The following ARHGEF12 variants were observed in gnomAD, a reference collection of about 807,000 sequenced individuals.
The protein encoded by ARHGEF12 is Rho guanine nucleotide exchange factor 12.
Under a neutral mutation model 211.2 loss-of-function variants are expected in ARHGEF12, and 66 were observed. That is an observed-to-expected ratio of 0.31 (90% CI 0.26 to 0.38). ARHGEF12 has a LOEUF of 0.38. Ranked by LOEUF, ARHGEF12 falls within the 10% of genes least tolerant of loss-of-function variation. The pLI is 1.00. For missense variants in ARHGEF12, 1,429 were observed against 1,869.5 expected (o/e 0.76, Z 4.34); for synonymous variants, 592 against 638.4 (o/e 0.93, Z 1.09).
intron 27 of ARHGEF12, chr11:120,463,848 G>C (rs963055136): frequency 2.6e-5 from 4 of 152,120 alleles, no homozygotes; most frequent in African/African-American, 9.7e-5. Flanking sequence ...TGGGAATATG[G>C]CTTTAAATGG....
rs1946135350 is a variant in ARHGEF12, at chr11:120,449,299, G to T, written c.1843+85G>T. On this transcript the variant is annotated intron_variant, in intron 21 of 40. Transcript: ENST00000397843. ...CTTCTTCAGCTAGAATGAATTTCTG[G>T]AGAAAGGAGTTGTTAGGATGATTTT... 7 of 1,103,314 alleles carry T rather than the reference G, an allele frequency of 6.3e-6. No individual in the cohort carries two copies. In the South Asian group the frequency reaches 1.0e-4, roughly 16 times the overall value. The allele number at this position is 1,103,314 out of a possible 1,614,324, so 68.3% of individuals were successfully genotyped here.
At chr11:120,353,091 A>G (rs1943032516) in intron 1 of ARHGEF12, among the ~76,000 whole-genome samples, 1 of 152,218 alleles carries the variant, frequency 6.6e-6, no homozygotes, top group Non-Finnish European at 1.5e-5. Flanking sequence ...TCATGATTTC[A>G]GGTTGAACCA....
rs1256638780 is a variant in ARHGEF12 at position 120,485,151 on chromosome 11, C to A, written c.*74C>A. 4.4e-6 allele frequency: 7 copies of A among 1,577,982 alleles called. No homozygotes were observed. Among genetic ancestry groups the A allele is most frequent in the African/African-American group, 2.7e-5 (2 of 74,392 alleles). On this transcript the variant is annotated 3_prime_UTR_variant, in exon 41 of 41. Transcript: ENST00000397843. ...GCCGTGTCTCACCACATCCTGGCTC[C>A]AGTGTGGATGCAGAGAGAGTGTGAC...
chr11:120,433,830 C>T (rs749904786), intron 11 of ARHGEF12, among the ~76,000 whole-genome samples: 1 of 152,076 alleles, frequency 6.6e-6, no homozygotes, highest in Non-Finnish European at 1.5e-5. Context: ...TGGTGGCACA[C>T]GCCTGTAATC....
intron 39 of ARHGEF12, among the ~76,000 whole-genome samples, chr11:120,483,152 C>T (rs1024742132): frequency 6.6e-6 from 1 of 151,656 alleles, no homozygotes; most frequent in Admixed American, 6.6e-5. Flanking sequence ...TATGGAAAGC[C>T]AAATCTCTCA....
intron 1 of ARHGEF12, among the ~76,000 whole-genome samples, chr11:120,391,618 G>A (rs1488315880): frequency 1.3e-5 from 2 of 152,150 alleles, no homozygotes; most frequent in Admixed American, 6.5e-5. Flanking sequence ...ACACTTGCCT[G>A]GGCAGAGACT....
chr11:120,399,669 G>A (rs746957526), intron 1 of ARHGEF12, among the ~76,000 whole-genome samples: 1 of 152,012 alleles, frequency 6.6e-6, no homozygotes, highest in Non-Finnish European at 1.5e-5. Context: ...CTATTCCTGT[G>A]ATTTTTTTGG....
chr11:120,455,119 G>T (rs1031807561), intron 22 of ARHGEF12, among the ~76,000 whole-genome samples: 2 of 152,130 alleles, frequency 1.3e-5, no homozygotes, highest in East Asian at 1.9e-4. Flanking sequence ...TGAGAGAAAA[G>T]AATTATATAG....
intron 4 of ARHGEF12, among the ~76,000 whole-genome samples, chr11:120,412,057 C>T (rs532940825): frequency 3.9e-5 from 6 of 152,230 alleles, no homozygotes; most frequent in East Asian, 3.9e-4. Context: ...CTGCCCAGTG[C>T]GGTCAGTTGG....
Position 120,485,404 on chromosome 11 carries a change from A to G in ARHGEF12, c.*327A>G, listed in dbSNP as rs1037085917. ...TTGTACTTAGATTTAAGAAAAAGAG[A>G]AAATCAGATGTATTTATTTGACTTC... is the stretch of plus-strand genomic sequence containing the variant. On this transcript the variant is annotated 3_prime_UTR_variant, in exon 41 of 41. Transcript: ENST00000397843. 3.6e-6 allele frequency: 1 copy of G among 280,974 alleles called. No individual in the cohort carries two copies. Among genetic ancestry groups the G allele is most frequent in the African/African-American group, 2.1e-5 (1 of 46,718 alleles). 17.4% of individuals were successfully genotyped at this position (280,974 alleles called of 1,614,324 possible).
At chr11:120,389,221 C>T (rs1311601386) in intron 1 of ARHGEF12, among the ~76,000 whole-genome samples, 1 of 152,162 alleles carries the variant, frequency 6.6e-6, no homozygotes, top group Non-Finnish European at 1.5e-5. Flanking sequence ...CAGCCTGTGG[C>T]TTGTATTTTC....
chr11:120,436,217 A>G (rs889949584), intron 11 of ARHGEF12, among the ~76,000 whole-genome samples: 1 of 152,164 alleles, frequency 6.6e-6, no homozygotes, highest in Admixed American at 6.5e-5. Flanking sequence ...CCCCTCCAAT[A>G]TCTTTGATAG....
chr11:120,463,788 A>G (rs1946611520), intron 27 of ARHGEF12: 1 of 152,182 alleles, frequency 6.6e-6, no homozygotes. Context: ...ATTTATCTAC[A>G]AATGCGCTAC....
At chr11:120,458,366 T>A (rs1296427039) in intron 25 of ARHGEF12, 132 bp downstream of exon 25, 2 of 966,348 alleles carry the variant, frequency 2.1e-6, no homozygotes, top group Non-Finnish European at 3.1e-6. Context: ...GAAATTAAAC[T>A]GGACAGATAA....
At chr11:120,414,759 T>C (rs1944982305) in intron 4 of ARHGEF12, among the ~76,000 whole-genome samples, 1 of 152,180 alleles carries the variant, frequency 6.6e-6, no homozygotes, top group African/African-American at 2.4e-5. Context: ...TGTTTATTAT[T>C]ACTGTTATTT....
At chr11:120,420,405 G>T (rs541407464) in intron 4 of ARHGEF12, among the ~76,000 whole-genome samples, 12 of 152,300 alleles carry the variant, frequency 7.9e-5, no homozygotes, top group Non-Finnish European at 1.6e-4. Context: ...GGGCAGTGGG[G>T]CAGGGGGAGA....
At position 120,336,658 on chromosome 11, in the gene ARHGEF12, T is replaced by TC. The variant is rs920986906; in HGVS notation, c.-583dup. ...CCTCTCCGCCGGCGCCAGCGGCTCGTCCCAGCACCGGGAGCCTGGTGAGGG... is the reference window on the plus strand; with the variant it reads ...CCTCTCCGCCGGCGCCAGCGGCTCGTCCCCAGCACCGGGAGCCTGGTGAGGG... On this transcript the variant is annotated 5_prime_UTR_variant, in exon 1 of 41. Coordinates refer to ENST00000397843, the MANE Select transcript of ARHGEF12 (RefSeq NM_015313.3). Among the ~76,000 whole-genome samples, 62 of 151,966 alleles carry TC rather than the reference T, an allele frequency of 4.1e-4. No homozygotes were observed. The Middle Eastern group carries it at 0.01, about 25-fold the overall frequency.
chr11:120,463,350 A>G (rs1384781006), intron 27 of ARHGEF12: 3 of 152,088 alleles, frequency 2.0e-5, no homozygotes, highest in African/African-American at 7.3e-5. Context: ...ACATGGAGAA[A>G]CCCCATCTCT....
At chr11:120,460,624 G>T (rs1453838783) in intron 26 of ARHGEF12, 48 bp from the exon 27 acceptor site, 4 of 1,515,086 alleles carry the variant, frequency 2.6e-6, no homozygotes, top group Admixed American at 1.7e-5. Context: ...CAGTAATTCT[G>T]TCTACACTGA....
Sources: gnomAD v4.1 joint callset for allele counts (sites outside exome capture counted in the v4.1 genomes callset) on GRCh38, gnomAD v4.1.1 for gene constraint, MANE v1.5 for transcripts, NCBI Gene and HGNC (gene_info 2026-07-23, HGNC 2026-07-21) for gene names.